Variants in TMEM132D observed in about 807,000 individuals in gnomAD.
The protein encoded by TMEM132D is transmembrane protein 132D.
TMEM132D carries 21 observed loss-of-function variants against 62.3 expected under a neutral mutation model. The observed-to-expected ratio is 0.34, with a 90% CI of 0.24 to 0.49. The LOEUF (loss-of-function observed/expected upper bound fraction) is 0.49. Among genes scored for constraint, TMEM132D ranks in the 20% least tolerant of loss-of-function variants. The pLI is 0.99. For synonymous variants in TMEM132D, 621 were observed against 575.6 expected, an observed-to-expected ratio of 1.08 and a Z score of -1.13; for missense variants, 1,346 against 1,402.8, an observed-to-expected ratio of 0.96 and a Z score of 0.65.
intron 1 of TMEM132D, among the ~76,000 whole-genome samples, chr12:129,730,248 G>A (rs1229327933): frequency 1.3e-5 from 2 of 152,120 alleles, no homozygotes; most frequent in African/African-American, 2.4e-5. Context: ...GCAATGAATT[G>A]TTCACAGTTT....
intron 3 of TMEM132D, among the ~76,000 whole-genome samples, chr12:129,345,450 A>G (rs768138532): frequency 2.6e-5 from 4 of 152,212 alleles, no homozygotes; most frequent in Non-Finnish European, 4.4e-5. Context: ...GACCAGTTTC[A>G]ACGGAATGGG....
At chr12:129,747,658 GACAC>G (rs935496615) in intron 1 of TMEM132D, among the ~76,000 whole-genome samples, 2 of 144,108 alleles carry the variant, frequency 1.4e-5, no homozygotes, top group African/African-American at 2.6e-5. Flanking sequence ...ACCAGACACA[GACAC>G]ACACATTCAG....
chr12:129,892,853 T>C (rs951474598), intron 1 of TMEM132D, among the ~76,000 whole-genome samples: 4 of 152,022 alleles, frequency 2.6e-5, no homozygotes, highest in African/African-American at 9.7e-5. Flanking sequence ...TTATGCATAA[T>C]GGCGCCTGTT....
At position 129,747,418 on chromosome 12, in the gene TMEM132D, TCACA is replaced by T. The variant is rs746401132; in HGVS notation, c.80-46724_80-46721del. On this transcript the variant is annotated intron_variant, in intron 1 of 8. Coordinates refer to ENST00000422113, the MANE Select transcript of TMEM132D (RefSeq NM_133448.3). ...CACACACTCAGACACACACACATTCTCACACACACAGACACACACACTCTCAGTC... is the reference window on the plus strand; with the variant it reads ...CACACACTCAGACACACACACATTCTCACACAGACACACACACTCTCAGTC... Among the ~76,000 whole-genome samples the T allele has an allele frequency of 6.8e-5, 10 of 147,008 alleles. No individual in the cohort carries two copies. The East Asian group carries it at 1.2e-3, about 18-fold the overall frequency.
chr12:129,304,203 G>A (rs1319881991), intron 4 of TMEM132D, among the ~76,000 whole-genome samples: 1 of 152,210 alleles, frequency 6.6e-6, no homozygotes, highest in African/African-American at 2.4e-5. Context: ...TGGCTGGTGT[G>A]ATCTTTCAAA....
intron 1 of TMEM132D, among the ~76,000 whole-genome samples, chr12:129,862,483 T>A (rs1873931178): frequency 6.6e-6 from 1 of 152,218 alleles, no homozygotes; most frequent in South Asian, 2.1e-4. Flanking sequence ...CAATTCACTC[T>A]GAGCCACTAG....
At chr12:129,088,825 C>A (rs554852357) in intron 5 of TMEM132D, among the ~76,000 whole-genome samples, 1 of 39,776 alleles carries the variant, frequency 2.5e-5, no homozygotes, top group Non-Finnish European at 4.6e-5. Flanking sequence ...GGGTGTCCTC[C>A]ATGACCGGGA....
chr12:129,532,349 G>A (rs946262300), intron 2 of TMEM132D, among the ~76,000 whole-genome samples: 9 of 152,294 alleles, frequency 5.9e-5, no homozygotes, highest in Admixed American at 3.3e-4. Flanking sequence ...AATGGTGCCA[G>A]AGCCTACATC....
At chr12:129,151,090 G>A (rs115700292) in intron 5 of TMEM132D, among the ~76,000 whole-genome samples, 4 of 152,112 alleles carry the variant, frequency 2.6e-5, no homozygotes, top group East Asian at 1.9e-4. Flanking sequence ...CTAATTTTCC[G>A]ACTTCACGAG....
intron 5 of TMEM132D, among the ~76,000 whole-genome samples, chr12:129,176,304 G>A (rs1408970319): frequency 6.6e-6 from 1 of 152,182 alleles, no homozygotes; most frequent in Non-Finnish European, 1.5e-5. Context: ...CACCCCCCAA[G>A]CTTATGTAAG....
chr12:129,312,537 G>C (rs541217544), intron 4 of TMEM132D, among the ~76,000 whole-genome samples: 1 of 152,124 alleles, frequency 6.6e-6, no homozygotes, highest in Admixed American at 6.6e-5. Context: ...TGTATATTAA[G>C]AATTTTTTAG....
chr12:129,244,484 T>C (rs1880037449), intron 4 of TMEM132D, among the ~76,000 whole-genome samples: 1 of 140,328 alleles, frequency 7.1e-6, no homozygotes, highest in Non-Finnish European at 1.6e-5. Flanking sequence ...GCATAGACAA[T>C]GCTTACGCTA....
chr12:129,401,660 C>A (rs1002670986), intron 3 of TMEM132D, among the ~76,000 whole-genome samples: 1 of 152,174 alleles, frequency 6.6e-6, no homozygotes, highest in Non-Finnish European at 1.5e-5. Context: ...GTTGGCTATT[C>A]TCCACTTTGC....
chr12:129,778,780 T>G (rs1871028580), intron 1 of TMEM132D, among the ~76,000 whole-genome samples: 1 of 152,166 alleles, frequency 6.6e-6, no homozygotes. Flanking sequence ...GTGCTTAAAC[T>G]TTTCGACATT....
intron 1 of TMEM132D, among the ~76,000 whole-genome samples, chr12:129,751,960 T>C (rs1870012084): frequency 6.6e-6 from 1 of 152,224 alleles, no homozygotes; most frequent in South Asian, 2.1e-4. Context: ...GGGACTCTAA[T>C]TCATACAACA....
At position 129,662,791 on chromosome 12, in the gene TMEM132D, CAAAAAAAAAAA is replaced by C. The variant is rs34743737; in HGVS notation, c.968+37008_968+37018del. Among the ~76,000 whole-genome samples the C allele has an allele frequency of 1.4e-4, 10 of 69,404 alleles. No individual in the cohort carries two copies. In the Admixed American group the frequency reaches 2.3e-3, roughly 16 times the overall value. The allele number at this position is 69,404 out of a possible 152,430, so 45.5% of individuals were successfully genotyped here. A position where few individuals can be genotyped will look rare whatever the true frequency, so the allele number is the denominator to read the frequency against. On this transcript the variant is annotated intron_variant, in intron 2 of 8. Transcript: ENST00000422113. ...CTGGCGACAGAGCAAGATTCCATCT[CAAAAAAAAAAA>C]AAAAAAAAAAAGAGAGAGAGAGAAA... is the stretch of plus-strand genomic sequence containing the variant.
At chr12:129,091,890 T>C (rs1270080825) in intron 5 of TMEM132D, among the ~76,000 whole-genome samples, 1 of 152,246 alleles carries the variant, frequency 6.6e-6, no homozygotes, top group Non-Finnish European at 1.5e-5. Context: ...CTTGCCTTCA[T>C]AGCTCTGTTC....
chr12:129,883,875 C>T (rs1027508738), intron 1 of TMEM132D, among the ~76,000 whole-genome samples: 2 of 152,176 alleles, frequency 1.3e-5, no homozygotes, highest in African/African-American at 2.4e-5. Context: ...ATACACCCCA[C>T]CATACACAAA....
At chr12:129,643,995 T>C (rs1277085546) in intron 2 of TMEM132D, among the ~76,000 whole-genome samples, 3 of 152,012 alleles carry the variant, frequency 2.0e-5, no homozygotes, top group African/African-American at 7.2e-5. Context: ...GCTGGGATTA[T>C]AGGCATGTGC....
Sources: gnomAD v4.1 joint callset for allele counts (sites outside exome capture counted in the v4.1 genomes callset) on GRCh38, gnomAD v4.1.1 for gene constraint, MANE v1.5 for transcripts, NCBI Gene and HGNC (gene_info 2026-07-23, HGNC 2026-07-21) for gene names.